The following ZNF184 variants were observed in gnomAD, a reference collection of about 807,000 sequenced individuals.
The protein encoded by ZNF184 is zinc finger protein 184.
ZNF184 carries 16 observed loss-of-function variants against 54.4 expected under a neutral mutation model. The ratio of observed to expected loss-of-function variants is 0.29; its 90% CI spans 0.20 to 0.45. ZNF184 has a LOEUF of 0.45. Among genes scored for constraint, ZNF184 ranks in the 20% least tolerant of loss-of-function variants. The pLI is 1.00. For synonymous variants in ZNF184, 254 were observed against 295.3 expected (o/e 0.86, Z 1.43); for missense variants, 681 against 888.2 (o/e 0.77, Z 2.97).
chr6:27,450,014 T>A (rs776624849), downstream of ZNF184, among the ~76,000 whole-genome samples: 1 of 152,136 alleles, frequency 6.6e-6, no homozygotes, highest in Non-Finnish European at 1.5e-5. Context: ...AAAGGAGCAA[T>A]TGTAAATCCA....
At chr6:27,456,982 T>C in intron 4 of ZNF184, 61 bp from the exon 5 acceptor site, 2 of 1,426,578 alleles carry the variant, frequency 1.4e-6, no homozygotes, top group Non-Finnish European at 2.0e-6. Flanking sequence ...ATATCAGAAT[T>C]CAATCACCAC....
At chr6:27,419,078 C>T in the ZNF184 span, among the ~76,000 whole-genome samples, 1 of 151,536 alleles carries the variant, frequency 6.6e-6, no homozygotes, top group African/African-American at 2.4e-5. The surrounding 1 kb of genome is among the most constrained non-coding windows in gnomAD (Gnocchi z 4.8). Flanking sequence ...TTTTTCCAAC[C>T]ACTTTTTAAA....
At chr6:27,408,209 C>T in the ZNF184 span, among the ~76,000 whole-genome samples, 2 of 152,146 alleles carry the variant, frequency 1.3e-5, no homozygotes, top group African/African-American at 4.8e-5. Context: ...CTATTAAATA[C>T]CTTATTGGAC....
chr6:27,405,956 G>A, the ZNF184 span: 6 of 152,274 alleles, frequency 3.9e-5, no homozygotes, highest in South Asian at 4.1e-4. Context: ...ACCACCCAGA[G>A]GGCTTATGTC....
the ZNF184 span, among the ~76,000 whole-genome samples, chr6:27,442,946 C>T: frequency 6.6e-6 from 1 of 151,974 alleles, no homozygotes; most frequent in South Asian, 2.1e-4. Flanking sequence ...GGTCCAGGGG[C>T]TTGGCCCTCT....
chr6:27,409,827 T>C, the ZNF184 span, among the ~76,000 whole-genome samples: 1 of 152,186 alleles, frequency 6.6e-6, no homozygotes. Flanking sequence ...ATCCTAGGCC[T>C]TCATATTCAC....
At position 27,457,027 on chromosome 6, in the gene ZNF184, C is replaced by A. The variant is rs1403011926; in HGVS notation, c.203-106G>T. 66 of 1,091,020 alleles carry A rather than the reference C, an allele frequency of 6.0e-5. 1 individual carries two copies. The South Asian group carries it at 9.4e-4, about 15-fold the overall frequency. 67.6% of individuals were successfully genotyped at this position (1,091,020 alleles called of 1,614,324 possible). A position where few individuals can be genotyped will look rare whatever the true frequency, so the allele number is the denominator to read the frequency against. On this transcript the variant is annotated intron_variant, in intron 4 of 5. Coordinates refer to ENST00000683788, the MANE Select transcript of ZNF184 (RefSeq NM_001318891.2). The stretch of plus-strand genomic sequence containing the variant: ...AGAAGAAATGATATGTAGTAAAAAC[C>A]TGATGGGAGTGGATAGCATATCAAG...
chr6:27,425,815 C>T, the ZNF184 span, among the ~76,000 whole-genome samples: 1 of 151,898 alleles, frequency 6.6e-6, no homozygotes, highest in East Asian at 1.9e-4. Flanking sequence ...TCCACAGTAC[C>T]TCTGAAACTA....
chr6:27,422,334 C>T, the ZNF184 span, among the ~76,000 whole-genome samples: 1 of 152,096 alleles, frequency 6.6e-6, no homozygotes, highest in Non-Finnish European at 1.5e-5. Flanking sequence ...ACTAATACCC[C>T]AGCCTGAAGC....
In ZNF184 at chr6:27,451,807, T is replaced by C. The variant is rs746345425; in HGVS notation, c.1752A>G (p.Arg584=). 1 of 1,613,786 alleles carries C rather than the reference T, an allele frequency of 6.2e-7. No homozygotes were observed. The highest frequency in any genetic ancestry group is 1.7e-5 in the Admixed American group (1 of 60,012). ...IQHRKIHTGE[R]PYKCNECGRA... is the part of the protein sequence containing the mutation. ...TCCCACACTCATTACACTTGTAAGG[T>C]CGTTCTCCAGTATGGATCTTCCTAT... The change falls in exon 6 of 6, where the codon CGA becomes CGG. Residue 584 remains arginine (R), a synonymous_variant. Transcript: ENST00000683788.
intron 3 of ZNF184, among the ~76,000 whole-genome samples, chr6:27,465,195 A>G (rs938192834): frequency 1.4e-5 from 2 of 147,324 alleles, no homozygotes; most frequent in African/African-American, 5.0e-5. Context: ...AAAAGAAAAG[A>G]AAAACCCGGC....
chr6:27,451,498 T>A lies in ZNF184; in HGVS notation c.2061A>T (p.Glu687Asp). 6.2e-7 allele frequency: 1 copy of A among 1,614,044 alleles called. No individual in the cohort carries two copies. Among genetic ancestry groups the A allele is most frequent in the Non-Finnish European group, 8.5e-7 (1 of 1,179,972 alleles). ...KAFSRSTHLT[E>D]HQNTHTGEKP... ...TCTCTCCAGTATGAGTATTCTGATG[T>A]TCAGTCAGATGAGTGCTCCGGCTAA... Residue 687 changes from glutamate (E) to aspartate (D), a missense_variant, in exon 6 of 6, where the codon GAA (glutamate) becomes GAT (aspartate). Coordinates refer to ENST00000683788, the MANE Select transcript of ZNF184 (RefSeq NM_001318891.2).
At chr6:27,445,862 C>T (rs984263382), downstream of ZNF184, among the ~76,000 whole-genome samples, 5 of 152,110 alleles carry the variant, frequency 3.3e-5, no homozygotes, top group African/African-American at 9.7e-5. Context: ...ATTGTGTCTG[C>T]GTTCTAGGGC....
chr6:27,446,222 C>T (rs1257542065), downstream of ZNF184, among the ~76,000 whole-genome samples: 1 of 152,122 alleles, frequency 6.6e-6, no homozygotes, highest in Non-Finnish European at 1.5e-5. Flanking sequence ...TCAAGTCTGC[C>T]CCTACAATCA....
At chr6:27,435,414 A>G in the ZNF184 span, among the ~76,000 whole-genome samples, 17 of 152,084 alleles carry the variant, frequency 1.1e-4, no homozygotes, top group Non-Finnish European at 7.4e-5. Context: ...GTTAAGTACA[A>G]TTGTTTTCTT....
At chr6:27,448,318 A>G (rs1762660666), downstream of ZNF184, among the ~76,000 whole-genome samples, 1 of 152,126 alleles carries the variant, frequency 6.6e-6, no homozygotes, top group South Asian at 2.1e-4. Context: ...ACTACTTCCC[A>G]TCGTTTTGTC....
Position 27,451,490 on chromosome 6 carries a change from T to G in ZNF184, c.2069A>C (p.Asn690Thr). The change falls in exon 6 of 6, where the codon AAT becomes ACT. Residue 690 changes from asparagine (N) to threonine (T), a missense_variant. Asn to Thr is a moderately conservative substitution (Grantham distance 65, BLOSUM62 0). Coordinates refer to ENST00000683788, the MANE Select transcript of ZNF184 (RefSeq NM_001318891.2). The stretch of plus-strand genomic sequence containing the variant: ...ATAAGGTTTCTCTCCAGTATGAGTA[T>G]TCTGATGTTCAGTCAGATGAGTGCT... ...SRSTHLTEHQ[N>T]THTGEKPYNC... The G allele has an allele frequency of 6.2e-7, 1 of 1,614,068 alleles. No individual in the cohort carries two copies. The highest frequency in any genetic ancestry group is 8.5e-7 in the Non-Finnish European group (1 of 1,179,966).
At chr6:27,408,775 A>G in the ZNF184 span, among the ~76,000 whole-genome samples, 1 of 152,142 alleles carries the variant, frequency 6.6e-6, no homozygotes, top group African/African-American at 2.4e-5. Context: ...AGCTTTCTTT[A>G]TATTTCTATT....
In ZNF184 at chr6:27,456,833, G is replaced by A. The variant is rs1762867210; in HGVS notation, c.291C>T (p.Thr97=). The A allele has an allele frequency of 2.5e-6, 4 of 1,613,996 alleles. No individual in the cohort carries two copies. The East Asian group carries it at 6.7e-5, about 27-fold the overall frequency. ...CTGGCATCCATGACTTACCTGCACA[G>A]GTACCTACTGGAATGCTTGGCTCCA... The part of the protein sequence containing the change: ...WIMEPSIPVG[T]CADWETRLEN... Residue 97 remains threonine, a synonymous_variant, in exon 5 of 6, where the codon ACC becomes ACT. Coordinates refer to ENST00000683788, the MANE Select transcript of ZNF184 (RefSeq NM_001318891.2).
Sources: allele counts gnomAD v4.1 joint callset (sites outside exome capture counted in the v4.1 genomes callset), GRCh38; gene constraint gnomAD v4.1.1; non-coding constraint Gnocchi (gnomAD v3.1); transcripts MANE v1.5; gene names NCBI Gene and HGNC (gene_info 2026-07-23, HGNC 2026-07-21).